The following MAP4K4 variants were observed in gnomAD, a reference collection of about 807,000 sequenced individuals.
MAP4K4 encodes HPK/GCK-like kinase HGK.
A neutral mutation model predicts 189.6 loss-of-function variants in MAP4K4; 38 were observed. The observed-to-expected ratio is 0.20, with a 90% CI of 0.15 to 0.26. MAP4K4 has a LOEUF of 0.26. MAP4K4 is among the 10% of genes least tolerant of loss of function. The probability of loss-of-function intolerance (pLI) is 1.00; values close to 1 mark genes in which losing one functional copy is unlikely to be tolerated. For synonymous variants in MAP4K4, 610 were observed against 624.3 expected (o/e 0.98, Z 0.34); for missense variants, 1,054 against 1,726.9 (o/e 0.61, Z 6.91).
chr2:101,867,765 A>C (rs1310693491), intron 20 of MAP4K4: 6 of 471,756 alleles, frequency 1.3e-5, no homozygotes. Context: ...TCTTAAACTC[A>C]CTGGTTGCCT....
chr2:101,804,457 C>T (rs2149036081), intron 3 of MAP4K4, among the ~76,000 whole-genome samples: 1 of 152,200 alleles, frequency 6.6e-6, no homozygotes. Flanking sequence ...AGATGGAAAC[C>T]CGCCTCTGAA....
chr2:101,747,237 G>C (rs11899591), intron 2 of MAP4K4, among the ~76,000 whole-genome samples: 8,905 of 152,194 alleles, frequency 0.059, 313 homozygotes, highest in African/African-American at 0.09. Context: ...TCCTGCCTCA[G>C]CCTCTTGAGT....
chr2:101,786,017 G>T (rs2091048591), intron 2 of MAP4K4, among the ~76,000 whole-genome samples: 1 of 151,952 alleles, frequency 6.6e-6, no homozygotes, highest in Non-Finnish European at 1.5e-5. Flanking sequence ...GTAGAGATGG[G>T]GTTTCACCAT....
chr2:101,876,916 C>T (rs760062665), intron 26 of MAP4K4, 87 bp from the exon 27 acceptor site: 19 of 1,373,546 alleles, frequency 1.4e-5, no homozygotes, highest in Admixed American at 2.3e-5. Context: ...CACTTTTTTC[C>T]AAATAGATGA....
At chr2:101,882,808 A>C in intron 28 of MAP4K4, 123 bp downstream of exon 28, 1 of 983,114 alleles carries the variant, frequency 1.0e-6, no homozygotes, top group Non-Finnish European at 1.5e-6. Flanking sequence ...AAACACGTGG[A>C]TCATTTCTGG....
chr2:101,860,124 A>G, intron 15 of MAP4K4: 3 of 537,420 alleles, frequency 5.6e-6, no homozygotes, highest in Admixed American at 3.1e-5. Flanking sequence ...AACTAAACTA[A>G]AAGATTACAT....
chr2:101,770,902 C>G (rs1455381502), intron 2 of MAP4K4, among the ~76,000 whole-genome samples: 1 of 152,164 alleles, frequency 6.6e-6, no homozygotes, highest in Non-Finnish European at 1.5e-5. Context: ...GTGGTTCACA[C>G]AAATAGCCCC....
intron 2 of MAP4K4, among the ~76,000 whole-genome samples, chr2:101,770,225 C>T (rs1237016426): frequency 1.4e-5 from 2 of 146,080 alleles, no homozygotes; most frequent in African/African-American, 5.0e-5. Context: ...AAAAGTTACA[C>T]TTTTGTTCAT....
rs34314872 is a variant in MAP4K4 at position 101,756,729 on chromosome 2, A to ATTT, written c.124-33975_124-33973dup. Among the ~76,000 whole-genome samples the ATTT allele has an allele frequency of 1.0e-4, 13 of 125,018 alleles. 1 individual carries two copies. The highest frequency in any genetic ancestry group is 3.0e-4 in the African/African-American group (10 of 32,800). The allele number at this position is 125,018 out of a possible 152,430, so 82.0% of individuals were successfully genotyped here. On this transcript the variant is annotated intron_variant, in intron 2 of 32. Transcript: ENST00000324219. Reference sequence around the variant, plus strand: ...ATCACCATGCCCAGCTAATTTTTGTATTTTTTTTTTTTTTTTTTGTAGAAA... The same window carrying ATTT: ...ATCACCATGCCCAGCTAATTTTTGTATTTTTTTTTTTTTTTTTTTTTGTAGAAA...
chr2:101,840,562 C>T (rs1248769268), intron 10 of MAP4K4, among the ~76,000 whole-genome samples: 1 of 152,180 alleles, frequency 6.6e-6, no homozygotes, highest in Non-Finnish European at 1.5e-5. Flanking sequence ...ACATACTTTG[C>T]CCACCTTCCT....
At chr2:101,761,321 A>T (rs112363775) in intron 2 of MAP4K4, among the ~76,000 whole-genome samples, 31 of 151,734 alleles carry the variant, frequency 2.0e-4, no homozygotes, top group South Asian at 1.3e-3. Context: ...TCTTAAAAAA[A>T]TTTTTTTTTA....
chr2:101,710,111 T>A (rs1264194978), intron 2 of MAP4K4, among the ~76,000 whole-genome samples: 3 of 152,212 alleles, frequency 2.0e-5, no homozygotes, highest in African/African-American at 7.2e-5. Flanking sequence ...TGTCAAAGAC[T>A]GAATATTATC....
chr2:101,726,910 G>T (rs1293958028), intron 2 of MAP4K4, among the ~76,000 whole-genome samples: 1 of 152,148 alleles, frequency 6.6e-6, no homozygotes, highest in African/African-American at 2.4e-5. Flanking sequence ...ACCAAATCTG[G>T]TGGGGGACTT....
chr2:101,714,214 A>C (rs1342707958), intron 2 of MAP4K4, among the ~76,000 whole-genome samples: 1 of 152,124 alleles, frequency 6.6e-6, no homozygotes, highest in African/African-American at 2.4e-5. Context: ...TTTTCATGTA[A>C]TTTTTTTCAA....
intron 6 of MAP4K4, among the ~76,000 whole-genome samples, chr2:101,830,011 T>G (rs2149404869): frequency 6.6e-6 from 1 of 152,324 alleles, no homozygotes; most frequent in East Asian, 1.9e-4. Context: ...CTTTTTTTTC[T>G]TTTCTTAAAC....
Position 101,824,172 on chromosome 2 carries a change from G to A in MAP4K4, c.306+119G>A, listed in dbSNP as rs1389363515. 5 of 1,046,992 alleles carry A rather than the reference G, an allele frequency of 4.8e-6. No homozygotes were observed. The South Asian group carries it at 7.8e-5, about 16-fold the overall frequency. 64.9% of individuals were successfully genotyped at this position (1,046,992 alleles called of 1,614,324 possible). On this transcript the variant is annotated intron_variant, in intron 4 of 32. Transcript: ENST00000324219. ...GAAAAACAATAAAGAGGGGCAGTAAGTAGCTGGCAGGTTCTAAAGGCTTCC... is the reference window on the plus strand; with the variant it reads ...GAAAAACAATAAAGAGGGGCAGTAAATAGCTGGCAGGTTCTAAAGGCTTCC...
chr2:101,879,691 A>G (rs561740076), intron 27 of MAP4K4, among the ~76,000 whole-genome samples: 17 of 152,210 alleles, frequency 1.1e-4, no homozygotes, highest in Admixed American at 3.3e-4. Context: ...CAGCACCCCA[A>G]AACTGCCCTG....
At chr2:101,748,359 A>G (rs1425430470) in intron 2 of MAP4K4, among the ~76,000 whole-genome samples, 1 of 152,218 alleles carries the variant, frequency 6.6e-6, no homozygotes, top group Non-Finnish European at 1.5e-5. Flanking sequence ...TAAAAGCAAG[A>G]AAACAAAACA....
At position 101,782,377 on chromosome 2, in the gene MAP4K4, C is replaced by T. The variant is rs549494943; in HGVS notation, c.124-8343C>T. On this transcript the variant is annotated intron_variant, in intron 2 of 32. Coordinates refer to ENST00000324219, the Ensembl canonical transcript of MAP4K4. Reference sequence around the variant, plus strand: ...AGTGTTGTTTCAGATAAGGTAGCTGCGACCTAAGAAAGGAATAATTCTATA... The same window carrying T: ...AGTGTTGTTTCAGATAAGGTAGCTGTGACCTAAGAAAGGAATAATTCTATA... Among the ~76,000 whole-genome samples the T allele has an allele frequency of 2.0e-4, 30 of 152,192 alleles. No homozygotes were observed. In the East Asian group the frequency reaches 4.3e-3, roughly 22 times the overall value.
Sources: allele counts gnomAD v4.1 joint callset (sites outside exome capture counted in the v4.1 genomes callset), GRCh38; gene constraint gnomAD v4.1.1; transcripts MANE v1.5; gene names NCBI Gene and HGNC (gene_info 2026-07-23, HGNC 2026-07-21).